Variants in AKAP6 observed in about 807,000 individuals in gnomAD.
AKAP6 encodes A-kinase anchoring protein 6, also known as A-kinase anchor protein 6.
Under a neutral mutation model 188.5 loss-of-function variants are expected in AKAP6, and 58 were observed. The ratio of observed to expected loss-of-function variants is 0.31; its 90% CI spans 0.25 to 0.38. The LOEUF is 0.38. Among genes scored for constraint, AKAP6 ranks in the 10% least tolerant of loss-of-function variants. The probability of loss-of-function intolerance (pLI) is 1.00; values close to 1 mark genes in which losing one functional copy is unlikely to be tolerated. For synonymous variants in AKAP6, 989 were observed against 998.6 expected (o/e 0.99, Z 0.18); for missense variants, 2,710 against 2,740.0 (o/e 0.99, Z 0.24).
At chr14:32,377,724 T>C (rs1457088469) in intron 1 of AKAP6, among the ~76,000 whole-genome samples, 1 of 152,238 alleles carries the variant, frequency 6.6e-6, no homozygotes, top group Non-Finnish European at 1.5e-5. Flanking sequence ...CACCAGAATC[T>C]TGTGAGTTCA....
At chr14:32,745,646 A>G (rs998032115) in intron 11 of AKAP6, among the ~76,000 whole-genome samples, 1 of 152,018 alleles carries the variant, frequency 6.6e-6, no homozygotes, top group Non-Finnish European at 1.5e-5. Context: ...GGTCCCGCCC[A>G]AGGCCTGCTG....
chr14:32,580,325 T>G (rs1278898043), intron 5 of AKAP6, among the ~76,000 whole-genome samples: 1 of 152,040 alleles, frequency 6.6e-6, no homozygotes, highest in East Asian at 1.9e-4. Context: ...AAATGACATT[T>G]TCAGGAAAAT....
intron 9 of AKAP6, among the ~76,000 whole-genome samples, chr14:32,702,406 CCTTTTTTTTTT>C (rs1207721751): frequency 6.6e-6 from 1 of 150,866 alleles, no homozygotes. Flanking sequence ...TATTTTTTTT[CCTTTTTTTTTT>C]CTTTTTTTGA....
In AKAP6 at chr14:32,582,748, A is replaced by G. The variant is rs553376918; in HGVS notation, c.2469+5506A>G. ...CTTCATTTCATTCATTTCATCTTCC[A>G]TCACTGATACCCTTTCTTCCAGTTG... On this transcript the variant is annotated intron_variant, in intron 5 of 13. Transcript: ENST00000280979. Among the ~76,000 whole-genome samples, 10 of 151,962 alleles carry G rather than the reference A, an allele frequency of 6.6e-5. No homozygotes were observed. In the East Asian group the frequency reaches 1.7e-3, roughly 26 times the overall value.
At chr14:32,365,979 T>C (rs988823700) in intron 1 of AKAP6, among the ~76,000 whole-genome samples, 2 of 152,196 alleles carry the variant, frequency 1.3e-5, no homozygotes, top group African/African-American at 4.8e-5. Flanking sequence ...CCTTCTTCCC[T>C]GTATCTTCAA....
chr14:32,469,220 A>T (rs1812122768), intron 2 of AKAP6, among the ~76,000 whole-genome samples: 1 of 152,154 alleles, frequency 6.6e-6, no homozygotes, highest in South Asian at 2.1e-4. Context: ...AGTCCTGTGA[A>T]AGCAATAGAG....
intron 9 of AKAP6, among the ~76,000 whole-genome samples, chr14:32,717,597 CTT>C (rs997348445): frequency 2.8e-5 from 4 of 143,110 alleles, no homozygotes; most frequent in African/African-American, 1.1e-4. Context: ...TTTTATCACT[CTT>C]GTCTCTTATC....
At chr14:32,558,012 T>C (rs1031522938) in intron 4 of AKAP6, among the ~76,000 whole-genome samples, 2 of 152,204 alleles carry the variant, frequency 1.3e-5, no homozygotes, top group Non-Finnish European at 2.9e-5. Flanking sequence ...TCAGTGCATT[T>C]CTGAATCTTT....
rs2034521886 is a variant in AKAP6, at chr14:32,821,630, T to C, written c.3817T>C (p.Tyr1273His). ...EEADNHGGSQ[Y>H]ASNITAPSSP... ...GGCTGATAACCATGGGGGATCTCAGTATGCCTCAAATATTACTGCCCCCTC... is the reference window on the plus strand; with the variant it reads ...GGCTGATAACCATGGGGGATCTCAGCATGCCTCAAATATTACTGCCCCCTC... The change falls in exon 13 of 14, where the codon TAT (tyrosine) becomes CAT (histidine). Residue 1273 changes from tyrosine to histidine, a missense_variant. Around this residue, in one of 2 missense-constraint regions of AKAP6, gnomAD observed 2,473 missense variants for 2,426.1 expected, o/e 1.02. Transcript: ENST00000280979. The C allele has an allele frequency of 6.2e-7, 1 of 1,613,622 alleles. No homozygotes were observed. The highest frequency in any genetic ancestry group is 1.1e-5 in the South Asian group (1 of 91,066).
chr14:32,331,480 G>A (rs1886533419), intron 1 of AKAP6, among the ~76,000 whole-genome samples: 1 of 152,034 alleles, frequency 6.6e-6, no homozygotes, highest in Non-Finnish European at 1.5e-5. Flanking sequence ...TGTTCAAAAT[G>A]CAATTACAGT....
In AKAP6 at chr14:32,661,872, T is replaced by A. The variant is rs376386975; in HGVS notation, c.2731-16439T>A. Among the ~76,000 whole-genome samples the A allele has an allele frequency of 3.9e-5, 6 of 152,234 alleles. No homozygotes were observed. The South Asian group carries it at 1.2e-3, about 32-fold the overall frequency. On this transcript the variant is annotated intron_variant, in intron 7 of 13. Transcript: ENST00000280979. ...TCTACCTGTGCATAGCACAAGGTTG[T>A]TGGGATTATCAAATGAGATAATATA...
intron 5 of AKAP6, among the ~76,000 whole-genome samples, chr14:32,581,807 G>A (rs919660697): frequency 1.7e-4 from 26 of 152,048 alleles, no homozygotes; most frequent in African/African-American, 2.2e-4. Flanking sequence ...TCAGAGACTA[G>A]GATTGCAATC....
Position 32,524,250 on chromosome 14 carries a change from T to C in AKAP6, c.325-11304T>C, listed in dbSNP as rs553769032. 1.3e-4 allele frequency among the ~76,000 whole-genome samples: 20 copies of C among 152,222 alleles called. No individual in the cohort carries two copies. In the South Asian group the frequency reaches 3.9e-3, roughly 30 times the overall value. On this transcript the variant is annotated intron_variant, in intron 2 of 13. Coordinates refer to ENST00000280979, the MANE Select transcript of AKAP6 (RefSeq NM_004274.5). ...ATATGCAGGTACTCTTGTGCGGGAATGATTGCTGTGCAAATCAGGATAGTG... is the reference window on the plus strand; with the variant it reads ...ATATGCAGGTACTCTTGTGCGGGAACGATTGCTGTGCAAATCAGGATAGTG...
At chr14:32,400,420 A>G (rs1889045159) in intron 1 of AKAP6, among the ~76,000 whole-genome samples, 1 of 151,398 alleles carries the variant, frequency 6.6e-6, no homozygotes, top group Non-Finnish European at 1.5e-5. Context: ...TGTTTTCCAG[A>G]TTTCTCTTTT....
At chr14:32,572,209 A>G (rs1186217967) in intron 4 of AKAP6, among the ~76,000 whole-genome samples, 3 of 152,176 alleles carry the variant, frequency 2.0e-5, no homozygotes, top group Non-Finnish European at 4.4e-5. Context: ...CAAGTCACTT[A>G]CCTTCTCTGA....
chr14:32,596,489 T>G (rs1187340090), intron 5 of AKAP6, among the ~76,000 whole-genome samples: 1 of 152,186 alleles, frequency 6.6e-6, no homozygotes, highest in Non-Finnish European at 1.5e-5. Flanking sequence ...GTCATCATGT[T>G]TTTCCATTTC....
intron 12 of AKAP6, among the ~76,000 whole-genome samples, chr14:32,804,034 A>G (rs956806182): frequency 6.6e-6 from 1 of 152,210 alleles, no homozygotes. Context: ...TAACTGCAGT[A>G]TCACCACCTT....
At chr14:32,675,628 G>T (rs914997857) in intron 7 of AKAP6, among the ~76,000 whole-genome samples, 6 of 152,094 alleles carry the variant, frequency 3.9e-5, no homozygotes, top group Non-Finnish European at 4.4e-5. Flanking sequence ...ATCTCATTTG[G>T]GAATGAATCA....
chr14:32,427,864 G>C lies in AKAP6; in HGVS notation c.-34-5596G>C, dbSNP rs1594603026. On this transcript the variant is annotated intron_variant, in intron 1 of 13. Transcript: ENST00000280979. ...GCTTAATATAATTTTTTCTACCTCTGTTCTGTAATAAGTGCTATGTAGCAA... is the reference window on the plus strand; with the variant it reads ...GCTTAATATAATTTTTTCTACCTCTCTTCTGTAATAAGTGCTATGTAGCAA... Among the ~76,000 whole-genome samples, 3 of 152,336 alleles carry C rather than the reference G, an allele frequency of 2.0e-5. No individual in the cohort carries two copies. The Middle Eastern group carries it at 0.01, about 518-fold the overall frequency.
Sources: gnomAD v4.1 joint callset for allele counts (sites outside exome capture counted in the v4.1 genomes callset) on GRCh38, gnomAD v4.1.1 for gene constraint, gnomAD v4.1.1 regional missense constraint, MANE v1.5 for transcripts, NCBI Gene and HGNC (gene_info 2026-07-23, HGNC 2026-07-21) for gene names.